PHTF2: variants seen among roughly 807,000 people sequenced by gnomAD.
The protein encoded by PHTF2 is putative homeodomain transcription factor 2.
Under a neutral mutation model 101.2 loss-of-function variants are expected in PHTF2, and 60 were observed. The ratio of observed to expected loss-of-function variants is 0.59; its 90% CI spans 0.48 to 0.73. The LOEUF (loss-of-function observed/expected upper bound fraction) is 0.73, where lower values mean the gene tolerates loss of function less well. Ranked by LOEUF, PHTF2 falls within the 30% of genes least tolerant of loss-of-function variation. PHTF2 has a pLI of 0.00. For missense variants in PHTF2, 747 were observed against 908.7 expected (o/e 0.82, Z 2.29); for synonymous variants, 311 against 307.3 (o/e 1.01, Z -0.13).
intron 16 of PHTF2, among the ~76,000 whole-genome samples, chr7:77,945,581 T>A (rs1805982694): frequency 1.3e-5 from 2 of 152,118 alleles, no homozygotes; most frequent in South Asian, 4.1e-4. Context: ...ATCTTATATA[T>A]TTGGAGATTT....
chr7:77,949,711 C>A, exon 17 of PHTF2: 3 of 1,575,106 alleles, frequency 1.9e-6, no homozygotes, highest in South Asian at 2.3e-5. Flanking sequence ...CCTTGATTGT[C>A]ACTACAATTG....
intron 3 of PHTF2, among the ~76,000 whole-genome samples, chr7:77,859,902 G>A (rs1797492065): frequency 6.6e-6 from 1 of 152,052 alleles, no homozygotes; most frequent in Non-Finnish European, 1.5e-5. Flanking sequence ...GAAGTGTTAA[G>A]GAATACGTTT....
intron 7 of PHTF2, among the ~76,000 whole-genome samples, chr7:77,904,667 C>G (rs933471789): frequency 6.6e-6 from 1 of 152,126 alleles, no homozygotes; most frequent in Non-Finnish European, 1.5e-5. Flanking sequence ...GTATCTCTGC[C>G]TCTTCATATA....
chr7:77,810,175 GAT>G (rs774312796), intron 1 of PHTF2, among the ~76,000 whole-genome samples: 1 of 151,474 alleles, frequency 6.6e-6, no homozygotes, highest in South Asian at 2.1e-4. Flanking sequence ...TTTCTTTCTC[GAT>G]ATATATATAG....
At chr7:77,822,957 T>G (rs1250856399) in intron 1 of PHTF2, among the ~76,000 whole-genome samples, 4 of 147,178 alleles carry the variant, frequency 2.7e-5, no homozygotes, top group Admixed American at 1.4e-4. Context: ...CAGGCTGGAG[T>G]GCAGTGGCGC....
At chr7:77,953,354 A>C (rs922993999) in intron 18 of PHTF2, among the ~76,000 whole-genome samples, 1 of 152,210 alleles carries the variant, frequency 6.6e-6, no homozygotes, top group African/African-American at 2.4e-5. Context: ...TAATTAATAC[A>C]TGTATTTGAA....
rs1201157566 is a variant in PHTF2, at chr7:77,940,389, A to G, written c.1740+87A>G. ...TCCTGAAGTACTTTATTATTTCATT[A>G]TATCATTTTTACCTAATTATTTTTT... On this transcript the variant is annotated intron_variant, in intron 14 of 19. Coordinates refer to ENST00000416283, the Ensembl canonical transcript of PHTF2. The G allele has an allele frequency of 5.3e-6, 7 of 1,320,284 alleles. No homozygotes were observed. The East Asian group carries it at 7.2e-5, about 14-fold the overall frequency. 81.8% of individuals were successfully genotyped at this position (1,320,284 alleles called of 1,614,324 possible).
intron 12 of PHTF2, among the ~76,000 whole-genome samples, chr7:77,936,809 G>C (rs1029385243): frequency 6.6e-6 from 1 of 151,222 alleles, no homozygotes. Flanking sequence ...TTATATAAAG[G>C]TTTAGTGTTT....
rs1211579011 is a variant in PHTF2, at chr7:77,856,523, T to G, written c.147+1689T>G. Among the ~76,000 whole-genome samples, 3 of 152,168 alleles carry G rather than the reference T, an allele frequency of 2.0e-5. No homozygotes were observed. The East Asian group carries it at 5.8e-4, about 29-fold the overall frequency. On this transcript the variant is annotated intron_variant, in intron 3 of 19. Transcript: ENST00000416283. ...GGCACGCACCACCACACCCAGATCATTTTTTAATTTTTTGTAAAGATGGGG... is the reference window on the plus strand; with the variant it reads ...GGCACGCACCACCACACCCAGATCAGTTTTTAATTTTTTGTAAAGATGGGG...
intron 15 of PHTF2, among the ~76,000 whole-genome samples, chr7:77,941,481 G>T (rs751969323): frequency 6.6e-6 from 1 of 152,034 alleles, no homozygotes; most frequent in African/African-American, 2.4e-5. Flanking sequence ...TTTGTACATT[G>T]ATTATTTTAT....
At chr7:77,907,198 T>C (rs1264097419) in intron 7 of PHTF2, among the ~76,000 whole-genome samples, 3 of 152,202 alleles carry the variant, frequency 2.0e-5, no homozygotes, top group Non-Finnish European at 2.9e-5. Context: ...CAGACTGTTA[T>C]GGAATAACTA....
At chr7:77,857,035 T>C (rs1797239265) in intron 3 of PHTF2, among the ~76,000 whole-genome samples, 1 of 152,212 alleles carries the variant, frequency 6.6e-6, no homozygotes. Flanking sequence ...TTGCTACTAA[T>C]ACTCTTCCTT....
chr7:77,817,794 G>T (rs1306057644), intron 1 of PHTF2, among the ~76,000 whole-genome samples: 1 of 152,090 alleles, frequency 6.6e-6, no homozygotes, highest in Admixed American at 6.6e-5. Flanking sequence ...AAATTGGATT[G>T]TTTGTTTTTT....
At chr7:77,839,679 T>C (rs1206217620) in intron 1 of PHTF2, among the ~76,000 whole-genome samples, 1 of 152,236 alleles carries the variant, frequency 6.6e-6, no homozygotes, top group African/African-American at 2.4e-5. Flanking sequence ...TAGTGTTAAT[T>C]ATTCCTGTGT....
At chr7:77,889,255 A>G (rs1800147365) in intron 3 of PHTF2, among the ~76,000 whole-genome samples, 1 of 152,216 alleles carries the variant, frequency 6.6e-6, no homozygotes, top group African/African-American at 2.4e-5. Flanking sequence ...CCAGCTGGGA[A>G]TAAAGTGAGA....
intron 1 of PHTF2, among the ~76,000 whole-genome samples, chr7:77,831,903 ATGTC>A (rs751566416): frequency 5.3e-5 from 8 of 152,150 alleles, no homozygotes; most frequent in Non-Finnish European, 1.0e-4. Flanking sequence ...CCCTTAGTTT[ATGTC>A]TGTCTGTGCA....
intron 1 of PHTF2, among the ~76,000 whole-genome samples, chr7:77,812,173 C>T (rs1237749909): frequency 1.3e-5 from 2 of 152,140 alleles, no homozygotes; most frequent in East Asian, 3.8e-4. Flanking sequence ...GAGCTGAGAA[C>T]ATTTAGTCTG....
intron 3 of PHTF2, among the ~76,000 whole-genome samples, chr7:77,876,356 G>A (rs2150734513): frequency 6.6e-6 from 1 of 152,208 alleles, no homozygotes; most frequent in East Asian, 1.9e-4. Context: ...TTACTGACTA[G>A]GTCGATTTTG....
At chr7:77,854,385 G>A (rs1797001726) in intron 2 of PHTF2, among the ~76,000 whole-genome samples, 1 of 152,174 alleles carries the variant, frequency 6.6e-6, no homozygotes, top group South Asian at 2.1e-4. Context: ...CTAGGACTGT[G>A]CAGGTTAGAC....
Sources: allele counts gnomAD v4.1 joint callset (sites outside exome capture counted in the v4.1 genomes callset), GRCh38; gene constraint gnomAD v4.1.1; transcripts MANE v1.5; gene names NCBI Gene and HGNC (gene_info 2026-07-23, HGNC 2026-07-21).